Variants in ZZZ3 observed in about 807,000 individuals in gnomAD.
ZZZ3 encodes ZZ-type zinc finger-containing protein 3.
Under a neutral mutation model 95.2 loss-of-function variants are expected in ZZZ3, and 22 were observed. That is an observed-to-expected ratio of 0.23 (90% CI 0.17 to 0.33). The LOEUF (loss-of-function observed/expected upper bound fraction) is 0.33. Ranked by LOEUF, ZZZ3 falls within the 10% of genes least tolerant of loss-of-function variation. The pLI, the probability that ZZZ3 is intolerant of heterozygous loss-of-function variation, is 1.00. For synonymous variants in ZZZ3, 335 were observed against 358.9 expected (o/e 0.93, Z 0.75); for missense variants, 885 against 1,066.5 (o/e 0.83, Z 2.37).
At chr1:77,598,026 A>T (rs936643522) in intron 5 of ZZZ3, among the ~76,000 whole-genome samples, 9 of 152,078 alleles carry the variant, frequency 5.9e-5, no homozygotes, top group Non-Finnish European at 1.3e-4. Context: ...ATGCTTTTTT[A>T]AAAGTCTATT....
intron 1 of ZZZ3, among the ~76,000 whole-genome samples, chr1:77,673,004 A>T (rs937231353): frequency 3.9e-5 from 6 of 152,232 alleles, no homozygotes; most frequent in African/African-American, 1.4e-4. Context: ...CAAATAAAAG[A>T]TGACTGAAGT....
intron 5 of ZZZ3, among the ~76,000 whole-genome samples, chr1:77,618,261 T>G (rs1012054542): frequency 3.3e-5 from 4 of 121,744 alleles, no homozygotes; most frequent in Admixed American, 9.1e-5. Context: ...TTTTTTTTTT[T>G]GTCCAATAAT....
intron 1 of ZZZ3, among the ~76,000 whole-genome samples, chr1:77,678,109 G>A (rs1672431701): frequency 3.9e-5 from 6 of 152,172 alleles, no homozygotes; most frequent in Middle Eastern, 3.4e-3. Context: ...TCAATACCAG[G>A]ATTCAAAACT....
At chr1:77,578,679 T>C in intron 11 of ZZZ3, 95 bp downstream of exon 11, 1 of 710,280 alleles carries the variant, frequency 1.4e-6, no homozygotes, top group Non-Finnish European at 2.0e-6. Context: ...AGTTTTAAAA[T>C]ACAACACTAT....
At chr1:77,664,901 T>G (rs1203497135) in intron 1 of ZZZ3, among the ~76,000 whole-genome samples, 1 of 152,244 alleles carries the variant, frequency 6.6e-6, no homozygotes, top group Non-Finnish European at 1.5e-5. Context: ...AAGGCATACC[T>G]AGGAAAACAA....
chr1:77,652,008 C>T (rs542943819), intron 1 of ZZZ3, among the ~76,000 whole-genome samples: 26 of 147,512 alleles, frequency 1.8e-4, no homozygotes, highest in African/African-American at 5.7e-4. Flanking sequence ...AAGAGCAAAA[C>T]TCCATCTCCA....
rs539663703 is a variant in ZZZ3, at chr1:77,599,401, G to A, written c.1506-14746C>T. Among the ~76,000 whole-genome samples the A allele has an allele frequency of 1.6e-4, 24 of 151,922 alleles. 1 individual carries two copies. The East Asian group carries it at 4.3e-3, about 27-fold the overall frequency. The stretch of plus-strand genomic sequence containing the variant: ...ATATGTAATCATACTTATACTTGAT[G>A]AAAAACCCTTTGAAATAGGTATTAT... On this transcript the variant is annotated intron_variant, in intron 5 of 14. Coordinates refer to ENST00000370801, the MANE Select transcript of ZZZ3 (RefSeq NM_015534.6).
At chr1:77,658,515 C>CTTTTTT (rs111821277) in intron 1 of ZZZ3, among the ~76,000 whole-genome samples, 2 of 131,790 alleles carry the variant, frequency 1.5e-5, no homozygotes, top group African/African-American at 2.6e-5. Context: ...CACATCCTGG[C>CTTTTTT]TTTTTTTTTT....
At chr1:77,615,505 G>A (rs1249406925) in intron 5 of ZZZ3, among the ~76,000 whole-genome samples, 1 of 152,186 alleles carries the variant, frequency 6.6e-6, no homozygotes, top group African/African-American at 2.4e-5. Context: ...TATGCAAAAT[G>A]CCTATGGAGT....
At chr1:77,602,602 A>ATTTTTTTTTTTTTT (rs33915566) in intron 5 of ZZZ3, among the ~76,000 whole-genome samples, 1 of 117,964 alleles carries the variant, frequency 8.5e-6, no homozygotes, top group African/African-American at 3.2e-5. Flanking sequence ...ATTTTTACTG[A>ATTTTTTTTTTTTTT]TTTTTTTTTT....
rs1338011663 is a variant in ZZZ3 at position 77,575,930 on chromosome 1, A to G, written c.2331+138T>C. On this transcript the variant is annotated intron_variant, in intron 12 of 14. Coordinates refer to ENST00000370801, the MANE Select transcript of ZZZ3 (RefSeq NM_015534.6). ...GTATATGTTTGAAATTTTCCTCACA[A>G]AAGTACATTACTTAAAAACTATACA... is the stretch of plus-strand genomic sequence containing the variant. The G allele has an allele frequency of 4.7e-6, 3 of 639,488 alleles. No homozygotes were observed. In the African/African-American group the frequency reaches 5.6e-5, roughly 12 times the overall value. 39.6% of individuals were successfully genotyped at this position (639,488 alleles called of 1,614,324 possible). A position where few individuals can be genotyped will look rare whatever the true frequency, so the allele number is the denominator to read the frequency against.
chr1:77,647,171 A>C (rs1669356157), intron 1 of ZZZ3, among the ~76,000 whole-genome samples: 1 of 152,176 alleles, frequency 6.6e-6, no homozygotes, highest in Non-Finnish European at 1.5e-5. Context: ...GTGAATAAGA[A>C]TCGGAAAAAA....
At chr1:77,627,796 TG>T (rs1430888008) in intron 5 of ZZZ3, among the ~76,000 whole-genome samples, 6 of 152,334 alleles carry the variant, frequency 3.9e-5, no homozygotes, top group African/African-American at 1.4e-4. Context: ...AGTTAATCTT[TG>T]TAAGAGCTCA....
intron 5 of ZZZ3, among the ~76,000 whole-genome samples, chr1:77,593,230 T>A (rs1349187287): frequency 6.6e-6 from 1 of 152,184 alleles, no homozygotes; most frequent in Non-Finnish European, 1.5e-5. Context: ...GTTGAAGATG[T>A]ACATACCCTA....
intron 5 of ZZZ3, among the ~76,000 whole-genome samples, chr1:77,603,826 CTT>C (rs1387943072): frequency 1.3e-5 from 2 of 152,066 alleles, no homozygotes; most frequent in Non-Finnish European, 2.9e-5. Context: ...TGACATAAAA[CTT>C]TTAACAACAA....
intron 1 of ZZZ3, among the ~76,000 whole-genome samples, chr1:77,654,380 C>A (rs1570620103): frequency 1.3e-5 from 2 of 152,080 alleles, no homozygotes; most frequent in African/African-American, 4.8e-5. Context: ...TCCATGAGGC[C>A]AGGATTAGTC....
chr1:77,657,138 G>A lies in ZZZ3; in HGVS notation c.-402-15483C>T, dbSNP rs1012001984. Among the ~76,000 whole-genome samples the A allele has an allele frequency of 4.6e-5, 7 of 152,098 alleles. No individual in the cohort carries two copies. The East Asian group carries it at 7.7e-4, about 17-fold the overall frequency. On this transcript the variant is annotated intron_variant, in intron 1 of 14. Coordinates refer to ENST00000370801, the MANE Select transcript of ZZZ3 (RefSeq NM_015534.6). Reference sequence around the variant, plus strand: ...TGGGATTACAGGTGTGCACCACCACGCCCAGCTAATTTTTTCTATTTTTAG... The same window carrying A: ...TGGGATTACAGGTGTGCACCACCACACCCAGCTAATTTTTTCTATTTTTAG...
intron 5 of ZZZ3, among the ~76,000 whole-genome samples, chr1:77,616,670 C>A (rs576403615): frequency 6.6e-6 from 1 of 152,234 alleles, no homozygotes; most frequent in Admixed American, 6.5e-5. Flanking sequence ...CAAGACCAGT[C>A]TGGCCAATAT....
At chr1:77,635,552 C>A (rs1312073642) in intron 4 of ZZZ3, among the ~76,000 whole-genome samples, 1 of 152,116 alleles carries the variant, frequency 6.6e-6, no homozygotes, top group East Asian at 1.9e-4. Context: ...ACTGAGTGTC[C>A]CATAATTTTC....
Sources: gnomAD v4.1 joint callset for allele counts (sites outside exome capture counted in the v4.1 genomes callset) on GRCh38, gnomAD v4.1.1 for gene constraint, MANE v1.5 for transcripts, NCBI Gene and HGNC (gene_info 2026-07-23, HGNC 2026-07-21) for gene names.